RBFOX1: variants seen among roughly 807,000 people sequenced by gnomAD.
The protein encoded by RBFOX1 is RNA binding protein fox-1 homolog 1.
A neutral mutation model predicts 57.7 loss-of-function variants in RBFOX1; 8 were observed. The observed-to-expected ratio is 0.14, with a 90% CI of 0.08 to 0.25. RBFOX1 has a LOEUF of 0.25. Among genes scored for constraint, RBFOX1 ranks in the 10% least tolerant of loss-of-function variants. RBFOX1 has a pLI of 1.00. For synonymous variants in RBFOX1, 326 were observed against 222.4 expected (o/e 1.47, Z -4.15); for missense variants, 611 against 548.5 (o/e 1.11, Z -1.14).
intron 14 of RBFOX1, chr16:7,693,301 A>G: frequency 1.2e-6 from 2 of 1,612,428 alleles, no homozygotes; most frequent in Non-Finnish European, 8.5e-7. Context: ...TGTGAATTTT[A>G]TCTTCTCTTC....
intron 1 of RBFOX1, among the ~76,000 whole-genome samples, chr16:5,321,420 T>C (rs1473995193): frequency 2.0e-5 from 3 of 152,020 alleles, no homozygotes; most frequent in Non-Finnish European, 2.9e-5. Flanking sequence ...CCTGGGTTCA[T>C]GCCATTATCC....
At chr16:5,493,006 T>A (rs2042884838) in intron 2 of RBFOX1, among the ~76,000 whole-genome samples, 1 of 152,220 alleles carries the variant, frequency 6.6e-6, no homozygotes, top group East Asian at 1.9e-4. Flanking sequence ...CTGCCTATCT[T>A]CCTAAATGAA....
At chr16:5,377,084 C>T (rs1261755380) in intron 1 of RBFOX1, among the ~76,000 whole-genome samples, 1 of 151,686 alleles carries the variant, frequency 6.6e-6, no homozygotes, top group Non-Finnish European at 1.5e-5. Context: ...AGAGAGTTGT[C>T]AGTCAAGTGT....
chr16:7,367,175 A>T (rs1223954010), intron 4 of RBFOX1, among the ~76,000 whole-genome samples: 2 of 152,082 alleles, frequency 1.3e-5, no homozygotes, highest in Non-Finnish European at 1.5e-5. Context: ...GTTGGCAATG[A>T]CACTCTGGGG....
intron 3 of RBFOX1, among the ~76,000 whole-genome samples, chr16:5,708,079 A>C (rs1225981927): frequency 6.6e-6 from 1 of 152,128 alleles, no homozygotes; most frequent in South Asian, 2.1e-4. Context: ...GTCCATACCA[A>C]ACAAGACGCT....
chr16:5,287,304 A>T (rs1182495798), intron 1 of RBFOX1, among the ~76,000 whole-genome samples: 1 of 148,082 alleles, frequency 6.8e-6, no homozygotes, highest in Non-Finnish European at 1.5e-5. Context: ...ACCCCGTTTC[A>T]AAAAAAAAAA....
intron 4 of RBFOX1, among the ~76,000 whole-genome samples, chr16:7,499,782 C>G (rs960088524): frequency 6.6e-6 from 1 of 152,010 alleles, no homozygotes; most frequent in African/African-American, 2.4e-5. Context: ...CGATCAGCCT[C>G]AGTTTCCTTA....
At chr16:5,539,467 C>A (rs1271309356) in intron 2 of RBFOX1, among the ~76,000 whole-genome samples, 2 of 149,794 alleles carry the variant, frequency 1.3e-5, no homozygotes, top group South Asian at 2.1e-4. Flanking sequence ...TGGAAAAATA[C>A]AAAAAAAAAC....
At chr16:6,299,907 C>G (rs1202608802) in intron 1 of RBFOX1, among the ~76,000 whole-genome samples, 3 of 152,170 alleles carry the variant, frequency 2.0e-5, no homozygotes, top group Admixed American at 2.0e-4. Flanking sequence ...CACAATATAC[C>G]TCTGTAACAA....
intron 4 of RBFOX1, among the ~76,000 whole-genome samples, chr16:5,916,639 CT>C (rs1454284131): frequency 4.6e-5 from 7 of 151,956 alleles, no homozygotes; most frequent in South Asian, 2.1e-4. Flanking sequence ...GGAGGACCTC[CT>C]AGAAGGGAGA....
At chr16:7,355,988 A>G (rs1286847409) in intron 4 of RBFOX1, among the ~76,000 whole-genome samples, 2 of 152,244 alleles carry the variant, frequency 1.3e-5, no homozygotes, top group African/African-American at 4.8e-5. Flanking sequence ...TTGGGTAAAT[A>G]CGGCCCATGC....
In RBFOX1 at chr16:6,862,670, G is replaced by T. The variant is rs1013820926; in HGVS notation, c.-15-189387G>T. On this transcript the variant is annotated intron_variant, in intron 3 of 15. Coordinates refer to ENST00000550418, the MANE Select transcript of RBFOX1 (RefSeq NM_018723.4). ...AAGTGGTTTTGTATGAACAGAGCTG[G>T]AGGTAGAATTGGAATCATCACAGAT... Among the ~76,000 whole-genome samples, 10 of 152,256 alleles carry T rather than the reference G, an allele frequency of 6.6e-5. 1 individual carries two copies. The highest frequency in any genetic ancestry group is 4.6e-4 in the Admixed American group (7 of 15,290).
chr16:6,644,834 T>G (rs2098520737), intron 2 of RBFOX1, among the ~76,000 whole-genome samples: 2 of 152,172 alleles, frequency 1.3e-5, no homozygotes, highest in Non-Finnish European at 2.9e-5. Flanking sequence ...GGAGGTGGCC[T>G]CTGGACCACA....
intron 1 of RBFOX1, among the ~76,000 whole-genome samples, chr16:6,122,326 A>T (rs1485974035): frequency 6.6e-6 from 1 of 150,930 alleles, no homozygotes; most frequent in Non-Finnish European, 1.5e-5. Context: ...TATTTCTGTT[A>T]TTTATAACAG....
At chr16:7,047,945 CTT>C (rs2048597538) in intron 3 of RBFOX1, among the ~76,000 whole-genome samples, 1 of 151,794 alleles carries the variant, frequency 6.6e-6, no homozygotes, top group Non-Finnish European at 1.5e-5. Context: ...GTGGTGCAGT[CTT>C]TACTCACTGC....
intron 1 of RBFOX1, among the ~76,000 whole-genome samples, chr16:6,216,890 C>T (rs891014032): frequency 1.3e-5 from 2 of 151,778 alleles, no homozygotes; most frequent in African/African-American, 4.8e-5. Context: ...TTCCGCTCTC[C>T]CTTGGAAGCT....
chr16:5,985,572 C>G (rs1466576851), intron 4 of RBFOX1, among the ~76,000 whole-genome samples: 1 of 152,184 alleles, frequency 6.6e-6, no homozygotes, highest in African/African-American at 2.4e-5. Context: ...CCCAGGCAGC[C>G]AGCTCCAAGG....
chr16:6,755,085 T>G (rs1017173720), intron 3 of RBFOX1, among the ~76,000 whole-genome samples: 1 of 152,220 alleles, frequency 6.6e-6, no homozygotes, highest in African/African-American at 2.4e-5. Context: ...GTTGCACATT[T>G]TCTTAATCCA....
chr16:6,932,415 C>T lies in RBFOX1; in HGVS notation c.-15-119642C>T, dbSNP rs111365169. Among the ~76,000 whole-genome samples the T allele has an allele frequency of 6.6e-3, 1,006 of 152,284 alleles. 16 individuals carry two copies. The highest frequency in any genetic ancestry group is 0.022 in the African/African-American group (921 of 41,572). ...AGCCACCATGCCCAGCCCAGATCAT[C>T]TCCTAAAGGTCTCACCTCACAATAC... is the stretch of plus-strand genomic sequence containing the variant. On this transcript the variant is annotated intron_variant, in intron 3 of 15. Coordinates refer to ENST00000550418, the MANE Select transcript of RBFOX1 (RefSeq NM_018723.4).
Sources: allele counts gnomAD v4.1 joint callset (sites outside exome capture counted in the v4.1 genomes callset), GRCh38; gene constraint gnomAD v4.1.1; transcripts MANE v1.5; gene names NCBI Gene and HGNC (gene_info 2026-07-23, HGNC 2026-07-21).